The following ANKEF1 variants were observed in gnomAD, a reference collection of about 807,000 sequenced individuals.
ANKEF1 encodes the protein ankyrin repeat and EF-hand domain-containing protein 1.
Under a neutral mutation model 65.1 loss-of-function variants are expected in ANKEF1, and 43 were observed. The observed-to-expected ratio is 0.66, with a 90% confidence interval of 0.52 to 0.85. ANKEF1 has a LOEUF of 0.85. ANKEF1 is among the 40% of genes least tolerant of loss of function. The pLI is 0.00. For missense variants in ANKEF1, 934 were observed against 952.9 expected, an observed-to-expected ratio of 0.98 and a Z score of 0.26; for synonymous variants, 316 against 341.5, an observed-to-expected ratio of 0.93 and a Z score of 0.82.
rs1284470923 is a variant in ANKEF1 at position 10,049,889 on chromosome 20, G to T, written c.1320G>T (p.Glu440Asp). ...VLPLPICVIP[E>D]YAFPRRQDGG... ...CCCTTCCAATCTGTGTCATTCCTGA[G>T]TACGCGTTTCCACGCCGGCAGGATG... Residue 440 changes from glutamate to aspartate, a missense_variant, in exon 7 of 11, where the codon GAG (glutamate) becomes GAT (aspartate). Physicochemically the swap from Glu to Asp is conservative, Grantham distance 45. Coordinates refer to ENST00000378392, the MANE Select transcript of ANKEF1 (RefSeq NM_022096.6). 1 of 1,614,164 alleles carries T rather than the reference G, an allele frequency of 6.2e-7. No homozygotes were observed. Among genetic ancestry groups the T allele is most frequent in the South Asian group, 1.1e-5 (1 of 91,082 alleles).
At position 10,044,500 on chromosome 20, in the gene ANKEF1, G is replaced by T; in HGVS notation, c.653G>T (p.Arg218Met). ...GAAGTGAATGCATTTGACAACGACA[G>T]GCATCACGCTGCTCATTTTGCTGCT... ...GGEVNAFDND[R>M]HHAAHFAAKG... is the part of the protein sequence containing the mutation. The change falls in exon 5 of 11, where the codon AGG becomes ATG. Residue 218 changes from arginine to methionine, a missense_variant. Physicochemically the swap from Arg to Met is moderately conservative, Grantham distance 91. Transcript: ENST00000378392. 1.2e-6 allele frequency: 2 copies of T among 1,614,068 alleles called. No individual in the cohort carries two copies. The highest frequency in any genetic ancestry group is 1.7e-6 in the Non-Finnish European group (2 of 1,179,986).
intron 3 of ANKEF1, chr20:10,040,475 A>T (rs1451704735): frequency 6.6e-6 from 1 of 152,232 alleles, no homozygotes; most frequent in African/African-American, 2.4e-5. Context: ...TTTACAGAAT[A>T]TGGAGAAGGT....
chr20:10,055,462 T>A (rs374335261), intron 10 of ANKEF1, 40 bp from the exon 11 acceptor site: 2 of 1,597,510 alleles, frequency 1.3e-6, no homozygotes, highest in South Asian at 2.2e-5. Context: ...CTGGCTGTCA[T>A]ACTCATACCT....
chr20:10,050,310 A>G (rs549184082), intron 7 of ANKEF1, 98 bp downstream of exon 7: 1 of 945,848 alleles, frequency 1.1e-6, no homozygotes, highest in South Asian at 1.8e-5. Context: ...GAAAAGTGCT[A>G]CTTTATTAAA....
At chr20:10,050,944 T>G (rs1259016069) in intron 7 of ANKEF1, among the ~76,000 whole-genome samples, 1 of 152,010 alleles carries the variant, frequency 6.6e-6, no homozygotes, top group East Asian at 1.9e-4. Context: ...ATCATGAGAG[T>G]TTTATAATAC....
chr20:10,046,132 A>G (rs983587711), intron 6 of ANKEF1, among the ~76,000 whole-genome samples: 4 of 152,054 alleles, frequency 2.6e-5, no homozygotes, highest in African/African-American at 9.7e-5. Context: ...AAAATTAGCC[A>G]GGGGTGGTGA....
intron 3 of ANKEF1, among the ~76,000 whole-genome samples, chr20:10,041,417 A>T (rs1157358624): frequency 6.6e-6 from 1 of 152,064 alleles, no homozygotes; most frequent in African/African-American, 2.4e-5. Context: ...TAAGATTAGT[A>T]CAATAGTATA....
rs751048294 is a variant in ANKEF1 at position 10,049,539 on chromosome 20, C to T, written c.970C>T (p.Leu324=). 3.7e-6 allele frequency: 6 copies of T among 1,614,016 alleles called. No individual in the cohort carries two copies. In the Admixed American group the frequency reaches 8.3e-5, roughly 22 times the overall value. Residue 324 remains leucine (L), a synonymous_variant, in exon 7 of 11, where the codon CTG becomes TTG. Transcript: ENST00000378392. The part of the protein sequence containing the change: ...ARPGAKNPNP[L]WALRLHDWSV... The stretch of plus-strand genomic sequence containing the variant: ...GCCAGGAGCCAAAAATCCAAATCCA[C>T]TGTGGGCCCTTAGACTGCACGATTG...
rs1463944232 is a variant in ANKEF1 at position 10,049,461 on chromosome 20, G to A, written c.892G>A (p.Ala298Thr). 4.3e-6 allele frequency: 7 copies of A among 1,614,080 alleles called. 1 individual carries two copies. In the Admixed American group the frequency reaches 1.2e-4, roughly 27 times the overall value. ...TGTGGCTAAGGAAGGCGGCTTCAAA[G>A]CAGCAAGCAAAGAAATACGCCGAGC... ...RAVAKEGGFK[A>T]ASKEIRRAER... Residue 298 changes from alanine to threonine, a missense_variant, in exon 7 of 11, where the codon GCA (alanine) becomes ACA (threonine). Transcript: ENST00000378392.
chr20:10,057,611 G>A lies in ANKEF1; in HGVS notation c.*1951G>A, dbSNP rs1032096575. The A allele has an allele frequency of 3.3e-5, 5 of 152,148 alleles. No individual in the cohort carries two copies. Among genetic ancestry groups the A allele is most frequent in the Non-Finnish European group, 5.9e-5 (4 of 68,036 alleles). 9.4% of individuals were successfully genotyped at this position (152,148 alleles called of 1,614,324 possible). ...GTTGAAGACATGATGAAGACATGAT[G>A]TTCTTCACATGATGTTTTCATATTT... On this transcript the variant is annotated 3_prime_UTR_variant, in exon 11 of 11. Transcript: ENST00000378392.
intron 6 of ANKEF1, among the ~76,000 whole-genome samples, chr20:10,047,503 T>TACTTAATTG (rs1984584738): frequency 6.6e-6 from 1 of 152,214 alleles, no homozygotes. Flanking sequence ...GTCTCTTCTG[T>TACTTAATTG]ACTTAATTGT....
At chr20:10,054,937 TTG>T (rs1850925448) in intron 10 of ANKEF1, among the ~76,000 whole-genome samples, 1 of 152,182 alleles carries the variant, frequency 6.6e-6, no homozygotes, top group Non-Finnish European at 1.5e-5. Context: ...CAACCCTTCT[TTG>T]TACTTAACTA....
rs551369517 is a variant in ANKEF1, at chr20:10,053,286, T to C, written c.2034+11T>C. ...ATTAAGAAAGAAGAGGTAAGAAAAA[T>C]GGTTGACTACCCATTAGTAACTGGA... is the stretch of plus-strand genomic sequence containing the variant. On this transcript the variant is annotated intron_variant, in intron 9 of 10. Coordinates refer to ENST00000378392, the MANE Select transcript of ANKEF1 (RefSeq NM_022096.6). 8.8e-6 allele frequency: 14 copies of C among 1,584,344 alleles called. No homozygotes were observed. The South Asian group carries it at 1.4e-4, about 16-fold the overall frequency.
rs1351266259 is a variant in ANKEF1, at chr20:10,051,703, C to T, written c.1684C>T (p.Leu562Phe). The change falls in exon 8 of 11, where the codon CTT becomes TTT. Residue 562 changes from leucine to phenylalanine, a missense_variant. Transcript: ENST00000378392. ...AACAGATAACTTTCTGTGGACTCCACTTCATTTTGCATGCCATGCAGGCCA... is the reference window on the plus strand; with the variant it reads ...AACAGATAACTTTCTGTGGACTCCATTTCATTTTGCATGCCATGCAGGCCA... Reference protein sequence around the residue: ...NATDNFLWTPLHFACHAGQQD... With the variant: ...NATDNFLWTPFHFACHAGQQD... 6.2e-7 allele frequency: 1 copy of T among 1,613,774 alleles called. No homozygotes were observed. Among genetic ancestry groups the T allele is most frequent in the Non-Finnish European group, 8.5e-7 (1 of 1,179,810 alleles).
chr20:10,039,498 C>G (rs1287353640), intron 3 of ANKEF1, among the ~76,000 whole-genome samples: 1 of 152,162 alleles, frequency 6.6e-6, no homozygotes, highest in Non-Finnish European at 1.5e-5. Flanking sequence ...CTAACTCTCT[C>G]CAGACTTGGT....
chr20:10,049,778 C>T lies in ANKEF1; in HGVS notation c.1209C>T (p.Asn403=), dbSNP rs1568515285. ...TCTTTAAAGGAACCAGATATTTAAA[C>T]AAGTCTTTTGTCTTAGGATCGTATG... is the stretch of plus-strand genomic sequence containing the variant. The part of the protein sequence containing the change: ...NEFFKGTRYL[N]KSFVLGSYGP... The change falls in exon 7 of 11, where the codon AAC becomes AAT. Residue 403 remains asparagine, a synonymous_variant. Transcript: ENST00000378392. 2.5e-6 allele frequency: 4 copies of T among 1,613,998 alleles called. No homozygotes were observed. Among genetic ancestry groups the T allele is most frequent in the South Asian group, 2.2e-5 (2 of 91,070 alleles).
chr20:10,055,454 G>C, intron 10 of ANKEF1, 48 bp from the exon 11 acceptor site: 2 of 1,552,858 alleles, frequency 1.3e-6, no homozygotes, highest in South Asian at 2.3e-5. Flanking sequence ...CATATTTACT[G>C]GCTGTCATAC....
intron 10 of ANKEF1, among the ~76,000 whole-genome samples, chr20:10,055,289 CA>C (rs1307721417): frequency 8.0e-4 from 122 of 152,234 alleles, no homozygotes; most frequent in African/African-American, 2.7e-3. Flanking sequence ...AGACAGTCAT[CA>C]TCAAAAACAG....
In ANKEF1 at chr20:10,049,370, A is replaced by T. The variant is rs1008620786; in HGVS notation, c.821-20A>T. 3.8e-6 allele frequency: 6 copies of T among 1,585,236 alleles called. No homozygotes were observed. In the African/African-American group the frequency reaches 4.1e-5, roughly 11 times the overall value. On this transcript the variant is annotated intron_variant, in intron 6 of 10. Transcript: ENST00000378392. ...AAATGCCTTGGCACCATTCATAATT[A>T]ATGATGCTTTATGTTTTAGGATGTG... is the stretch of plus-strand genomic sequence containing the variant.
Sources: allele counts gnomAD v4.1 joint callset (sites outside exome capture counted in the v4.1 genomes callset), GRCh38; gene constraint gnomAD v4.1.1; transcripts MANE v1.5; gene names NCBI Gene and HGNC (gene_info 2026-07-23, HGNC 2026-07-21).